FAM78A: variants seen among roughly 807,000 people sequenced by gnomAD.
FAM78A encodes the protein family with sequence similarity 78 member A, also known as protein FAM78A.
Under a neutral mutation model 22.6 loss-of-function variants are expected in FAM78A, and 12 were observed. That is an observed-to-expected ratio of 0.53 (90% CI 0.34 to 0.86). FAM78A has a LOEUF of 0.86. Among genes scored for constraint, FAM78A ranks in the 40% least tolerant of loss-of-function variants. FAM78A has a pLI of 0.02. For missense variants in FAM78A, 322 were observed against 396.1 expected (o/e 0.81, Z 1.59); for synonymous variants, 151 against 155.8 (o/e 0.97, Z 0.23).
chr9:131,274,312 C>A lies in FAM78A; in HGVS notation c.323+1545G>T, dbSNP rs566650237. Among the ~76,000 whole-genome samples the A allele has an allele frequency of 1.3e-5, 2 of 152,206 alleles. No homozygotes were observed. Among genetic ancestry groups the A allele is most frequent in the Non-Finnish European group, 2.9e-5 (2 of 68,042 alleles). Reference sequence around the variant, plus strand: ...AGAAACTAGGCTTAGCCCAAAACCCCGAGGAAAACTTTTGTTTCTACAACT... The same window carrying A: ...AGAAACTAGGCTTAGCCCAAAACCCAGAGGAAAACTTTTGTTTCTACAACT... On this transcript the variant is annotated intron_variant, in intron 1 of 1. Transcript: ENST00000372271. This position sits in a 1 kb window ranked among gnomAD's most constrained non-coding sequence, Gnocchi z 4.2.
chr9:131,261,244 T>G lies in FAM78A; in HGVS notation c.430A>C (p.Ile144Leu), dbSNP rs767406258. 6.2e-6 allele frequency: 10 copies of G among 1,612,924 alleles called. No homozygotes were observed. Among genetic ancestry groups the G allele is most frequent in the Non-Finnish European group, 8.5e-6 (10 of 1,179,936 alleles). ...WYGNTTETCTIVGPTKRDSKF... is the reference protein window; with the variant it reads ...WYGNTTETCTLVGPTKRDSKF... ...GAGTCCCTCTTGGTGGGGCCCACGA[T>G]GGTGCAGGTCTCTGTGGTGTTGCCG... The change falls in exon 2 of 2, where the codon ATC (isoleucine) becomes CTC (leucine). Residue 144 changes from isoleucine (I) to leucine (L), a missense_variant. Coordinates refer to ENST00000372271, the MANE Select transcript of FAM78A (RefSeq NM_033387.4). This position sits in a 1 kb window ranked among gnomAD's most constrained non-coding sequence, Gnocchi z 7.1.
chr9:131,276,018 G>A lies in FAM78A; in HGVS notation c.162C>T (p.Ile54=), dbSNP rs1423523574. ...KASIDPVPTS[I]DESSSVVLRY... is the part of the protein sequence containing the mutation. ...GGAGCACCACGCTGGAGGACTCATC[G>A]ATGCTAGTGGGGACGGGGTCGATGG... The change falls in exon 1 of 2, where the codon ATC becomes ATT. Residue 54 remains isoleucine (I), a synonymous_variant. Transcript: ENST00000372271. This position sits in a 1 kb window ranked among gnomAD's most constrained non-coding sequence, Gnocchi z 4.3. 2.5e-6 allele frequency: 4 copies of A among 1,613,766 alleles called. No individual in the cohort carries two copies. The highest frequency in any genetic ancestry group is 3.4e-6 in the Non-Finnish European group (4 of 1,180,040).
At position 131,265,742 on chromosome 9, in the gene FAM78A, G is replaced by A. The variant is rs7024383; in HGVS notation, c.324-4392C>T. On this transcript the variant is annotated intron_variant, in intron 1 of 1. Transcript: ENST00000372271. This position sits in a 1 kb window ranked among gnomAD's most constrained non-coding sequence, Gnocchi z 4.3. The stretch of plus-strand genomic sequence containing the variant: ...GGCAGAGCCTTGAACCACGCTCAGG[G>A]CCCTTCTGAGTGCAGGCCCCGGACA... Among the ~76,000 whole-genome samples, 14,004 of 152,128 alleles carry A rather than the reference G, an allele frequency of 0.092. 1,887 individuals are homozygous for A. The highest frequency in any genetic ancestry group is 0.3 in the African/African-American group (12,278 of 41,450).
Position 131,258,469 on chromosome 9 carries a change from CA to C in FAM78A, c.*2352del, listed in dbSNP as rs1264907414. The C allele has an allele frequency of 1.3e-5, 2 of 148,714 alleles. No homozygotes were observed. Among genetic ancestry groups the C allele is most frequent in the African/African-American group, 5.0e-5 (2 of 39,960 alleles). 9.2% of individuals were successfully genotyped at this position (148,714 alleles called of 1,614,324 possible). On this transcript the variant is annotated 3_prime_UTR_variant, in exon 2 of 2. Transcript: ENST00000372271. ...AGAAGGGGCACGGGTGAAGGTGGGT[CA>C]GGGGGCAAGGTGGGCTGGGGGCCGG...
intron 1 of FAM78A, chr9:131,264,689 A>G: frequency 1.5e-6 from 1 of 687,830 alleles, no homozygotes; most frequent in South Asian, 1.6e-5. Flanking sequence ...CCCTGATTTG[A>G]CCCAAAGCCC....
upstream of FAM78A, among the ~76,000 whole-genome samples, chr9:131,276,781 G>A (rs1008526817): frequency 7.9e-5 from 12 of 151,008 alleles, no homozygotes; most frequent in Admixed American, 2.6e-4. This position sits in a 1 kb window ranked among gnomAD's most constrained non-coding sequence, Gnocchi z 4.3. Context: ...GGTGACGGGG[G>A]AGCGCGGCGC....
intron 1 of FAM78A, among the ~76,000 whole-genome samples, chr9:131,268,892 CA>C (rs35244977): frequency 7.8e-4 from 105 of 134,042 alleles, no homozygotes; most frequent in Middle Eastern, 4.0e-3. Context: ...GACTCCGTCT[CA>C]AAAAAAAAAA....
intron 1 of FAM78A, among the ~76,000 whole-genome samples, chr9:131,267,399 G>A (rs1835358459): frequency 1.3e-5 from 2 of 152,172 alleles, no homozygotes; most frequent in Non-Finnish European, 2.9e-5. Flanking sequence ...AGGCATGGTG[G>A]TGCGTCCCTA....
chr9:131,267,727 T>G (rs909289269), intron 1 of FAM78A, among the ~76,000 whole-genome samples: 3 of 152,178 alleles, frequency 2.0e-5, no homozygotes, highest in African/African-American at 7.2e-5. Context: ...TTGGGCACCT[T>G]AAGAAACACC....
rs968730089 is a variant in FAM78A at position 131,268,487 on chromosome 9, C to A, written c.324-7137G>T. On this transcript the variant is annotated intron_variant, in intron 1 of 1. Transcript: ENST00000372271. Reference sequence around the variant, plus strand: ...CCCACCACAACAAACCCCATTCCTTCTGGGACCCAGACACCTTCTCCCTGC... The same window carrying A: ...CCCACCACAACAAACCCCATTCCTTATGGGACCCAGACACCTTCTCCCTGC... Among the ~76,000 whole-genome samples, 9 of 152,344 alleles carry A rather than the reference C, an allele frequency of 5.9e-5. No homozygotes were observed. In the South Asian group the frequency reaches 8.3e-4, roughly 14 times the overall value.
Position 131,276,332 on chromosome 9 carries a change from C to T in FAM78A, c.-153G>A. ...CTGTTTATAAATAAGGATTCTGCTG[C>T]ATTTCATGAGCCCTGGGCTCTCTCT... is the stretch of plus-strand genomic sequence containing the variant. On this transcript the variant is annotated 5_prime_UTR_variant, in exon 1 of 2. It removes an upstream start codon present in the reference 5' UTR. Transcript: ENST00000372271. This position sits in a 1 kb window ranked among gnomAD's most constrained non-coding sequence, Gnocchi z 4.3. 1.7e-6 allele frequency: 1 copy of T among 605,374 alleles called. No homozygotes were observed. Among genetic ancestry groups the T allele is most frequent in the East Asian group, 2.8e-5 (1 of 35,538 alleles). 37.5% of individuals were successfully genotyped at this position (605,374 alleles called of 1,614,324 possible).
chr9:131,274,365 G>A lies in FAM78A; in HGVS notation c.323+1492C>T, dbSNP rs1468703895. Among the ~76,000 whole-genome samples, 1 of 152,236 alleles carries A rather than the reference G, an allele frequency of 6.6e-6. No individual in the cohort carries two copies. Among genetic ancestry groups the A allele is most frequent in the East Asian group, 1.9e-4 (1 of 5,202 alleles). ...CCCGATGCCTTCAAAGCCCGAGGAG[G>A]TTTCTGGGCTTAAGCGTTCTTAGAA... On this transcript the variant is annotated intron_variant, in intron 1 of 1. Transcript: ENST00000372271. The surrounding 1 kb of genome is among the most constrained non-coding windows in gnomAD (Gnocchi z 4.2).
chr9:131,271,313 C>T (rs535132325), intron 1 of FAM78A, among the ~76,000 whole-genome samples: 4 of 152,296 alleles, frequency 2.6e-5, no homozygotes, highest in South Asian at 2.1e-4. Flanking sequence ...ACAACAGCAA[C>T]GAGGCAGCCA....
In FAM78A at chr9:131,274,817, TG is replaced by T. The variant is rs1025699678; in HGVS notation, c.323+1039del. 6.6e-6 allele frequency among the ~76,000 whole-genome samples: 1 copy of T among 151,578 alleles called. No homozygotes were observed. Among genetic ancestry groups the T allele is most frequent in the African/African-American group, 2.4e-5 (1 of 41,328 alleles). ...ACAGGGTAGACACTGAGAGAGGCTCTGGGAGTGTCAGCGGCCAGTCACGGGG... is the reference window on the plus strand; with the variant it reads ...ACAGGGTAGACACTGAGAGAGGCTCTGGAGTGTCAGCGGCCAGTCACGGGG... On this transcript the variant is annotated intron_variant, in intron 1 of 1. Coordinates refer to ENST00000372271, the MANE Select transcript of FAM78A (RefSeq NM_033387.4). The surrounding 1 kb of genome is among the most constrained non-coding windows in gnomAD (Gnocchi z 4.2).
rs73545928 is a variant in FAM78A at position 131,260,331 on chromosome 9, C to T, written c.*491G>A. 3.2e-3 allele frequency: 498 copies of T among 154,912 alleles called. 1 individual carries two copies. Among genetic ancestry groups the T allele is most frequent in the African/African-American group, 0.011 (471 of 41,622 alleles). 9.6% of individuals were successfully genotyped at this position (154,912 alleles called of 1,614,324 possible). On this transcript the variant is annotated 3_prime_UTR_variant, in exon 2 of 2. Transcript: ENST00000372271. The surrounding 1 kb of genome is among the most constrained non-coding windows in gnomAD (Gnocchi z 5.4). ...AGCTTAAGGCAAAAGTTTGGCAAAGCAAGTCTACATAAGGCCGCATGACAG... is the reference window on the plus strand; with the variant it reads ...AGCTTAAGGCAAAAGTTTGGCAAAGTAAGTCTACATAAGGCCGCATGACAG...
Position 131,259,327 on chromosome 9 carries a change from G to A in FAM78A, c.*1495C>T, listed in dbSNP as rs352954. On this transcript the variant is annotated 3_prime_UTR_variant, in exon 2 of 2. Coordinates refer to ENST00000372271, the MANE Select transcript of FAM78A (RefSeq NM_033387.4). ...CCTGGAGCTCCAGTGACCTGGGACC[G>A]AGGGAGGGCAGGTCCCAGGGATGGG... 0.88 allele frequency: 133,698 copies of A among 152,472 alleles called. 60,487 individuals carry two copies. The highest frequency in any genetic ancestry group is 0.98 in the Non-Finnish European group (66,687 of 68,134). 9.4% of individuals were successfully genotyped at this position (152,472 alleles called of 1,614,324 possible). A position where few individuals can be genotyped will look rare whatever the true frequency, so the allele number is the denominator to read the frequency against.
intron 1 of FAM78A, chr9:131,264,755 ACT>A (rs1835322824): frequency 1.7e-6 from 1 of 603,522 alleles, no homozygotes; most frequent in African/African-American, 1.9e-5. Context: ...ACAGAGTCTC[ACT>A]CTGTCACTCA....
At chr9:131,271,643 C>T (rs559923912) in intron 1 of FAM78A, among the ~76,000 whole-genome samples, 4 of 152,380 alleles carry the variant, frequency 2.6e-5, no homozygotes, top group South Asian at 2.1e-4. Flanking sequence ...CCCTCCTCCC[C>T]GCCCAGTCTG....
rs763245626 is a variant in FAM78A, at chr9:131,276,079, A to T, written c.101T>A (p.Phe34Tyr). 6.2e-7 allele frequency: 1 copy of T among 1,613,834 alleles called. No individual in the cohort carries two copies. The highest frequency in any genetic ancestry group is 1.3e-5 in the African/African-American group (1 of 75,038). Reference sequence around the variant, plus strand: ...ATCAATCACCGTGATCCCTTCCCGGAAGACTCTGGCTTTGCCTCCGATGCT... The same window carrying T: ...ATCAATCACCGTGATCCCTTCCCGGTAGACTCTGGCTTTGCCTCCGATGCT... Reference protein sequence around the residue: ...IQSIGGKARVFREGITVIDVK... With the variant: ...IQSIGGKARVYREGITVIDVK... Residue 34 changes from phenylalanine to tyrosine, a missense_variant, in exon 1 of 2, where the codon TTC becomes TAC. Coordinates refer to ENST00000372271, the MANE Select transcript of FAM78A (RefSeq NM_033387.4). The surrounding 1 kb of genome is among the most constrained non-coding windows in gnomAD (Gnocchi z 4.3).
Sources: allele counts gnomAD v4.1 joint callset (sites outside exome capture counted in the v4.1 genomes callset), GRCh38; gene constraint gnomAD v4.1.1; non-coding constraint Gnocchi (gnomAD v3.1); transcripts MANE v1.5; gene names NCBI Gene and HGNC (gene_info 2026-07-23, HGNC 2026-07-21).